The following SYNE1 variants were observed in gnomAD, a reference collection of about 807,000 sequenced individuals.
The protein encoded by SYNE1 is nesprin-1.
Under a neutral mutation model 1,111.0 loss-of-function variants are expected in SYNE1, and 616 were observed. The observed-to-expected ratio is 0.55, with a 90% confidence interval of 0.52 to 0.59. The LOEUF (loss-of-function observed/expected upper bound fraction) is 0.59, where lower values mean the gene tolerates loss of function less well. Among genes scored for constraint, SYNE1 ranks in the 20% least tolerant of loss-of-function variants. The probability of loss-of-function intolerance (pLI) is 0.00; values close to 1 mark genes in which losing one functional copy is unlikely to be tolerated. For missense variants in SYNE1, 10,006 were observed against 10,417.0 expected (o/e 0.96, Z 1.72); for synonymous variants, 3,855 against 3,825.8 (o/e 1.01, Z -0.28).
intron 5 of SYNE1, among the ~76,000 whole-genome samples, chr6:152,523,472 C>T (rs944113054): frequency 6.6e-6 from 1 of 151,932 alleles, no homozygotes; most frequent in Non-Finnish European, 1.5e-5. Flanking sequence ...TAGTATAATT[C>T]AAAGTCAGAT....
Position 152,510,337 on chromosome 6 carries a change from T to C in SYNE1, c.437A>G (p.Gln146Arg), listed in dbSNP as rs1564545659. The C allele has an allele frequency of 6.2e-7, 1 of 1,614,060 alleles. No individual in the cohort carries two copies. The highest frequency in any genetic ancestry group is 1.1e-5 in the South Asian group (1 of 91,084). Residue 146 changes from glutamine to arginine, a missense_variant, in exon 8 of 146, where the codon CAG (glutamine) becomes CGG (arginine). Around this residue, in one of 7 missense-constraint regions of SYNE1, gnomAD observed 1,971 missense variants for 2,084.1 expected, o/e 0.95. Transcript: ENST00000367255. ...EELTSNLPQL[Q>R]SLSSSASSVD... Reference sequence around the variant, plus strand: ...GGAGGATGCGCTGCTGGACAAAGACTGGAGCTGGGGCAGGTTGCTGGTCAA... The same window carrying C: ...GGAGGATGCGCTGCTGGACAAAGACCGGAGCTGGGGCAGGTTGCTGGTCAA...
chr6:152,332,446 T>C (rs1450838973), intron 77 of SYNE1, among the ~76,000 whole-genome samples: 3 of 152,244 alleles, frequency 2.0e-5, no homozygotes, highest in African/African-American at 7.2e-5. Context: ...TGATAATGCC[T>C]TCCAATCAAA....
intron 62 of SYNE1, 97 bp downstream of exon 62, chr6:152,367,121 G>C (rs1156820691): frequency 7.0e-7 from 1 of 1,438,740 alleles, no homozygotes; most frequent in Non-Finnish European, 9.8e-7. Flanking sequence ...TTATCATGGA[G>C]AGAATGTGAC....
intron 141 of SYNE1, among the ~76,000 whole-genome samples, chr6:152,135,466 A>C (rs2056843879): frequency 1.3e-5 from 2 of 152,356 alleles, no homozygotes; most frequent in South Asian, 4.1e-4. Context: ...GAAAACTGGC[A>C]TCAACATACG....
At chr6:152,222,493 G>C (rs1320088879) in intron 117 of SYNE1, among the ~76,000 whole-genome samples, 1 of 152,108 alleles carries the variant, frequency 6.6e-6, no homozygotes, top group Non-Finnish European at 1.5e-5. Context: ...CTTTATCTCT[G>C]GGTGTTCTTC....
At chr6:152,286,238 C>T (rs2094321334) in intron 95 of SYNE1, among the ~76,000 whole-genome samples, 1 of 152,204 alleles carries the variant, frequency 6.6e-6, no homozygotes, top group Non-Finnish European at 1.5e-5. Context: ...CTACCCAGAT[C>T]AAGAAATGGA....
intron 127 of SYNE1, among the ~76,000 whole-genome samples, chr6:152,200,803 T>A (rs2153357736): frequency 6.6e-6 from 1 of 152,356 alleles, no homozygotes; most frequent in African/African-American, 2.4e-5. Context: ...TTCTTTCACT[T>A]TCCATCCATG....
chr6:152,341,131 T>C (rs2096527117), intron 74 of SYNE1, among the ~76,000 whole-genome samples: 1 of 152,128 alleles, frequency 6.6e-6, no homozygotes, highest in South Asian at 2.1e-4. Flanking sequence ...CACAGATCAA[T>C]TTCCCATTAA....
At position 152,384,767 on chromosome 6, in the gene SYNE1, T is replaced by C. The variant is rs140775059; in HGVS notation, c.8652+907A>G. 3.3e-3 allele frequency among the ~76,000 whole-genome samples: 503 copies of C among 151,892 alleles called. 1 individual carries two copies. The highest frequency in any genetic ancestry group is 0.011 in the African/African-American group (472 of 41,422). On this transcript the variant is annotated intron_variant, in intron 55 of 145. Transcript: ENST00000367255. Reference sequence around the variant, plus strand: ...GGTGGTCAGCACCTGTAATCGCAGCTACTCGGGAGGCTGAGGCAGGGAGAA... The same window carrying C: ...GGTGGTCAGCACCTGTAATCGCAGCCACTCGGGAGGCTGAGGCAGGGAGAA...
At chr6:152,169,332 G>A (rs1011700595) in intron 130 of SYNE1, among the ~76,000 whole-genome samples, 2 of 151,918 alleles carry the variant, frequency 1.3e-5, no homozygotes, top group Non-Finnish European at 2.9e-5. Context: ...GGAGGCTGAG[G>A]TTGGTGGATC....
At chr6:152,381,393 G>A (rs778869516) in intron 55 of SYNE1, 31 bp from the exon 56 acceptor site, 10 of 1,605,062 alleles carry the variant, frequency 6.2e-6, no homozygotes, top group African/African-American at 2.7e-5. Flanking sequence ...GGTAACTGAA[G>A]AGCCTGTGAG....
intron 3 of SYNE1, among the ~76,000 whole-genome samples, chr6:152,543,822 C>A (rs1372726558): frequency 6.6e-6 from 1 of 152,130 alleles, no homozygotes; most frequent in East Asian, 1.9e-4. Flanking sequence ...CAATTGCTTA[C>A]AATATTCAGT....
At chr6:152,301,398 T>C (rs1396262229) in intron 92 of SYNE1, among the ~76,000 whole-genome samples, 1 of 152,184 alleles carries the variant, frequency 6.6e-6, no homozygotes, top group African/African-American at 2.4e-5. Context: ...AGACGGTCTG[T>C]TTTCATATTT....
At chr6:152,172,404 T>G (rs1211865495) in intron 130 of SYNE1, among the ~76,000 whole-genome samples, 1 of 152,156 alleles carries the variant, frequency 6.6e-6, no homozygotes, top group African/African-American at 2.4e-5. Flanking sequence ...AACTAAAGGA[T>G]GCTTTTGCCT....
intron 29 of SYNE1, among the ~76,000 whole-genome samples, chr6:152,446,727 A>G (rs1190252163): frequency 6.6e-6 from 1 of 152,192 alleles, no homozygotes. Context: ...TTAGATTTAT[A>G]TAAAAACCTG....
chr6:152,585,096 C>T (rs1361778082), intron 3 of SYNE1, among the ~76,000 whole-genome samples: 1 of 152,078 alleles, frequency 6.6e-6, no homozygotes, highest in Non-Finnish European at 1.5e-5. Flanking sequence ...TGAGTGAGTT[C>T]TCATGAGAGT....
At chr6:152,188,352 T>C (rs2070860819) in intron 128 of SYNE1, among the ~76,000 whole-genome samples, 2 of 152,172 alleles carry the variant, frequency 1.3e-5, no homozygotes, top group African/African-American at 2.4e-5. Context: ...TTGCCTAGGA[T>C]GTCTTCTCGC....
At position 152,326,650 on chromosome 6, in the gene SYNE1, G is replaced by A. The variant is rs780830507; in HGVS notation, c.14956-17C>T. On this transcript the variant is annotated splice_polypyrimidine_tract_variant and intron_variant, in intron 78 of 145. Coordinates refer to ENST00000367255, the MANE Select transcript of SYNE1 (RefSeq NM_182961.4). ...CAAGGTAGCCTGAAAAACAGCAATT[G>A]CAAACATAATCAACTCTCCTTTGCA... The A allele has an allele frequency of 5.6e-6, 9 of 1,607,544 alleles. No homozygotes were observed. The highest frequency in any genetic ancestry group is 7.6e-6 in the Non-Finnish European group (9 of 1,176,578).
At chr6:152,260,350 A>G (rs2091784771) in intron 101 of SYNE1, among the ~76,000 whole-genome samples, 1 of 152,158 alleles carries the variant, frequency 6.6e-6, no homozygotes, top group African/African-American at 2.4e-5. Context: ...ACATTTTATC[A>G]GGGATTTGAG....
Sources: gnomAD v4.1 joint callset for allele counts (sites outside exome capture counted in the v4.1 genomes callset) on GRCh38, gnomAD v4.1.1 for gene constraint, gnomAD v4.1.1 regional missense constraint, MANE v1.5 for transcripts, NCBI Gene and HGNC (gene_info 2026-07-23, HGNC 2026-07-21) for gene names.